The following HSD17B4 variants were observed in gnomAD, a reference collection of about 807,000 sequenced individuals.
HSD17B4 encodes peroxisomal multifunctional enzyme type 2.
A neutral mutation model predicts 101.0 loss-of-function variants in HSD17B4; 70 were observed. That is an observed-to-expected ratio of 0.69 (90% CI 0.57 to 0.85). The LOEUF (loss-of-function observed/expected upper bound fraction) is 0.85. Among genes scored for constraint, HSD17B4 ranks in the 40% least tolerant of loss-of-function variants. HSD17B4 has a pLI of 0.00. For synonymous variants in HSD17B4, 347 were observed against 297.1 expected (o/e 1.17, Z -1.73); for missense variants, 984 against 892.4 (o/e 1.10, Z -1.31).
rs66578057 is a variant in HSD17B4, at chr5:119,494,325, TTTTCTTTCTTTCTTTC to T, written c.868+429_868+444del. ...TTCTCTTTCTTCCTTTCTTTCTTTC[TTTTCTTTCTTTCTTTC>T]TTTCTTTCTTTCTTTCTTTCTTTCT... On this transcript the variant is annotated intron_variant, in intron 11 of 23. Transcript: ENST00000510025. Among the ~76,000 whole-genome samples, 650 of 111,612 alleles carry T rather than the reference TTTTCTTTCTTTCTTTC, an allele frequency of 5.8e-3. 2 individuals are homozygous for T. The highest frequency in any genetic ancestry group is 0.013 in the African/African-American group (368 of 29,212). The allele number at this position is 111,612 out of a possible 152,430, so 73.2% of individuals were successfully genotyped here.
Position 119,536,524 on chromosome 5 carries a change from G to A in HSD17B4, c.2095G>A (p.Val699Ile). The change falls in exon 23 of 24, where the codon GTC (valine) becomes ATC (isoleucine). Residue 699 changes from valine to isoleucine, a missense_variant. Physicochemically the swap from Val to Ile is conservative, Grantham distance 29. Coordinates refer to ENST00000510025, the MANE Select transcript of HSD17B4 (RefSeq NM_000414.4). Reference sequence around the variant, plus strand: ...TTCAGATGAAGATTTCATGGAGGTGGTCCTGGGCAAGCTTGACCCTCAGAA... The same window carrying A: ...TTCAGATGAAGATTTCATGGAGGTGATCCTGGGCAAGCTTGACCCTCAGAA... ...ILSDEDFMEV[V>I]LGKLDPQKAF... 6.2e-7 allele frequency: 1 copy of A among 1,612,044 alleles called. No individual in the cohort carries two copies. The highest frequency in any genetic ancestry group is 8.5e-7 in the Non-Finnish European group (1 of 1,178,408).
chr5:119,498,383 A>G (rs189172647), intron 12 of HSD17B4, among the ~76,000 whole-genome samples: 2 of 152,254 alleles, frequency 1.3e-5, no homozygotes, highest in African/African-American at 4.8e-5. Context: ...TTTTTAATCA[A>G]CCTGTATAAA....
intron 2 of HSD17B4, among the ~76,000 whole-genome samples, chr5:119,470,107 T>C (rs778240220): frequency 2.0e-5 from 3 of 152,168 alleles, no homozygotes; most frequent in Admixed American, 1.3e-4. Context: ...TGATAGATGC[T>C]GGCCAGGCTA....
intron 12 of HSD17B4, 21 bp from the exon 13 acceptor site, chr5:119,499,296 A>G: frequency 6.6e-7 from 1 of 1,510,170 alleles, no homozygotes; most frequent in African/African-American, 1.4e-5. Context: ...GAAATAAATT[A>G]CTTTTTAAAA....
rs457106 is a variant in HSD17B4 at position 119,477,545 on chromosome 5, T to C, written c.434+44T>C. ...GTCAAGGGGGATTTAAGATGTTGTG[T>C]CTGGGGGTTCTTGTGTACAGGGAAA... On this transcript the variant is annotated intron_variant, in intron 7 of 23. Coordinates refer to ENST00000510025, the MANE Select transcript of HSD17B4 (RefSeq NM_000414.4). 579,378 of 1,287,928 alleles carry C rather than the reference T, an allele frequency of 0.45. 136,597 individuals are homozygous for C. The highest frequency in any genetic ancestry group is 0.53 in the Admixed American group (31,537 of 59,430). 79.8% of individuals were successfully genotyped at this position (1,287,928 alleles called of 1,614,324 possible).
intron 17 of HSD17B4, among the ~76,000 whole-genome samples, chr5:119,524,183 T>C (rs1057059786): frequency 5.9e-5 from 9 of 152,026 alleles, no homozygotes; most frequent in South Asian, 2.1e-4. Context: ...TATTGAGTCA[T>C]TGGGAAAGTA....
At chr5:119,541,834 TAAA>T (rs377089667) in intron 23 of HSD17B4, 68 bp from the exon 24 acceptor site, 57 of 793,420 alleles carry the variant, frequency 7.2e-5, no homozygotes, top group African/African-American at 4.0e-4. Context: ...TGAATAATCT[TAAA>T]AAAAAAAAAA....
chr5:119,510,092 C>T (rs1044286941), intron 16 of HSD17B4, among the ~76,000 whole-genome samples: 5 of 152,154 alleles, frequency 3.3e-5, no homozygotes, highest in South Asian at 4.1e-4. Context: ...CTTGGTAATA[C>T]GTACTTTGAA....
intron 1 of HSD17B4, 73 bp from the exon 2 acceptor site, chr5:119,456,242 G>T: frequency 2.3e-6 from 2 of 888,070 alleles, no homozygotes; most frequent in South Asian, 2.6e-5. Context: ...CTTTAAATGG[G>T]GATTGAGTTG....
chr5:119,531,429 A>C, intron 22 of HSD17B4, 25 bp downstream of exon 22: 1 of 1,601,562 alleles, frequency 6.2e-7, no homozygotes, highest in Non-Finnish European at 8.6e-7. Context: ...TGATTTTATA[A>C]TATTCTAAGG....
chr5:119,524,636 A>G (rs984652931), intron 17 of HSD17B4, among the ~76,000 whole-genome samples: 1 of 152,112 alleles, frequency 6.6e-6, no homozygotes, highest in African/African-American at 2.4e-5. Context: ...TGCTAATCCT[A>G]CTTTATCTAA....
At chr5:119,499,284 A>G (rs747082362) in intron 12 of HSD17B4, 33 bp from the exon 13 acceptor site, 26 of 1,441,006 alleles carry the variant, frequency 1.8e-5, no homozygotes, top group Admixed American at 1.3e-4. Context: ...AAAGTTATCA[A>G]TGAAATAAAT....
rs776679045 is a variant in HSD17B4 at position 119,475,690 on chromosome 5, TC to T, written c.281-15del. 1.8e-5 allele frequency: 28 copies of T among 1,580,328 alleles called. No homozygotes were observed. Among genetic ancestry groups the T allele is most frequent in the Middle Eastern group, 2.2e-4 (1 of 4,472 alleles). ...TGCTTGCTTTTAGATGTAACTTGTA[TC>T]TTTTTATATTGTAGATGTTGTGGTC... On this transcript the variant is annotated splice_polypyrimidine_tract_variant and intron_variant, in intron 4 of 23. Coordinates refer to ENST00000510025, the MANE Select transcript of HSD17B4 (RefSeq NM_000414.4).
In HSD17B4 at chr5:119,531,375, C is replaced by T. The variant is rs1320593909; in HGVS notation, c.1964C>T (p.Thr655Ile). 1 of 1,613,342 alleles carries T rather than the reference C, an allele frequency of 6.2e-7. No homozygotes were observed. The highest frequency in any genetic ancestry group is 8.5e-7 in the Non-Finnish European group (1 of 1,179,598). Reference protein sequence around the residue: ...KVNAVFEWHITKGGNIGAKWT... With the variant: ...KVNAVFEWHIIKGGNIGAKWT... ...AATGCTGTATTTGAGTGGCATATAA[C>T]CAAAGGCGGAAATATTGGGGCTAAG... The change falls in exon 22 of 24, where the codon ACC becomes ATC. Residue 655 changes from threonine (T) to isoleucine (I), a missense_variant. Coordinates refer to ENST00000510025, the MANE Select transcript of HSD17B4 (RefSeq NM_000414.4).
chr5:119,477,919 T>G (rs1022275835), intron 7 of HSD17B4: 2 of 184,520 alleles, frequency 1.1e-5, no homozygotes, highest in African/African-American at 4.8e-5. Context: ...GCCTGGCAAG[T>G]TTTTTAATTT....
At chr5:119,500,788 G>A (rs1032110110) in intron 13 of HSD17B4, among the ~76,000 whole-genome samples, 3 of 152,076 alleles carry the variant, frequency 2.0e-5, no homozygotes, top group East Asian at 1.9e-4. Flanking sequence ...TGAGAATAGG[G>A]TATTTGAGAA....
intron 9 of HSD17B4, among the ~76,000 whole-genome samples, chr5:119,491,875 A>T (rs1198312142): frequency 1.3e-5 from 2 of 152,104 alleles, no homozygotes; most frequent in African/African-American, 4.8e-5. Flanking sequence ...CTTTTCTATT[A>T]CATGCATTTC....
rs749753383 is a variant in HSD17B4 at position 119,499,558 on chromosome 5, G to T, written c.1209+5G>T. On this transcript the variant is annotated splice_donor_5th_base_variant and intron_variant, in intron 13 of 23. Coordinates refer to ENST00000510025, the MANE Select transcript of HSD17B4 (RefSeq NM_000414.4). ...CTTTCAATCAACTTTGCAAAGGTAT[G>T]CCTAATAAAAAACCTTTATTTTGCT... 9.7e-6 allele frequency: 15 copies of T among 1,549,844 alleles called. No homozygotes were observed. Among genetic ancestry groups the T allele is most frequent in the Non-Finnish European group, 1.3e-5 (15 of 1,121,876 alleles).
chr5:119,525,731 T>A, intron 18 of HSD17B4, 186 bp from the exon 19 acceptor site: 1 of 577,230 alleles, frequency 1.7e-6, no homozygotes, highest in African/African-American at 1.9e-5. Context: ...TTTTTCTTTC[T>A]TTCTTTATTT....
Sources: allele counts gnomAD v4.1 joint callset (sites outside exome capture counted in the v4.1 genomes callset), GRCh38; gene constraint gnomAD v4.1.1; transcripts MANE v1.5; gene names NCBI Gene and HGNC (gene_info 2026-07-23, HGNC 2026-07-21).